The following UTRN variants were observed in gnomAD, a reference collection of about 807,000 sequenced individuals.
The protein encoded by UTRN is utrophin.
A neutral mutation model predicts 463.9 loss-of-function variants in UTRN; 283 were observed. The ratio of observed to expected loss-of-function variants is 0.61; its 90% CI spans 0.55 to 0.67. The LOEUF (loss-of-function observed/expected upper bound fraction) is 0.67. Ranked by LOEUF, UTRN falls within the 30% of genes least tolerant of loss-of-function variation. The pLI is 0.00. For missense variants in UTRN, 3,922 were observed against 4,084.3 expected, an observed-to-expected ratio of 0.96 and a Z score of 1.08; for synonymous variants, 1,442 against 1,431.5, an observed-to-expected ratio of 1.01 and a Z score of -0.17.
At chr6:144,714,027 G>A (rs1786087295) in intron 53 of UTRN, among the ~76,000 whole-genome samples, 1 of 152,034 alleles carries the variant, frequency 6.6e-6, no homozygotes, top group African/African-American at 2.4e-5. Flanking sequence ...TCTGATTCAG[G>A]CATTATTTTT....
intron 33 of UTRN, among the ~76,000 whole-genome samples, chr6:144,496,531 T>C (rs552675985): frequency 6.6e-6 from 1 of 152,328 alleles, no homozygotes; most frequent in Non-Finnish European, 1.5e-5. Context: ...GCACTAATTC[T>C]CCAATTGTGA....
intron 51 of UTRN, among the ~76,000 whole-genome samples, chr6:144,578,670 A>G (rs1801677390): frequency 6.6e-6 from 1 of 152,102 alleles, no homozygotes; most frequent in African/African-American, 2.4e-5. Context: ...TGCTTGTCCC[A>G]GTTGGTCACA....
intron 1 of UTRN, among the ~76,000 whole-genome samples, chr6:144,290,131 C>T (rs1804076567): frequency 6.6e-6 from 1 of 152,160 alleles, no homozygotes; most frequent in Admixed American, 6.5e-5. Flanking sequence ...CTAAATATTT[C>T]ACCACATGTC....
chr6:144,413,785 T>C (rs1358569535), intron 3 of UTRN, among the ~76,000 whole-genome samples: 1 of 152,144 alleles, frequency 6.6e-6, no homozygotes, highest in African/African-American at 2.4e-5. Context: ...ATGTATTTAT[T>C]ATAAATTTAT....
At chr6:144,672,023 G>GGATA (rs1265538147) in intron 51 of UTRN, among the ~76,000 whole-genome samples, 2 of 152,010 alleles carry the variant, frequency 1.3e-5, no homozygotes, top group Admixed American at 6.6e-5. Flanking sequence ...TGATCATGAT[G>GGATA]GATAATCTTT....
chr6:144,527,062 A>C (rs2128599259), intron 41 of UTRN, among the ~76,000 whole-genome samples: 1 of 152,122 alleles, frequency 6.6e-6, no homozygotes, highest in East Asian at 1.9e-4. Context: ...AGCCTCCGAA[A>C]GTGCTGGGAT....
At chr6:144,717,060 T>A (rs188493259) in intron 53 of UTRN, among the ~76,000 whole-genome samples, 69 of 152,356 alleles carry the variant, frequency 4.5e-4, no homozygotes, top group Middle Eastern at 3.4e-3. Context: ...TGACTTTTGA[T>A]ATATTGCCAG....
intron 25 of UTRN, among the ~76,000 whole-genome samples, chr6:144,479,213 G>A (rs1043535082): frequency 6.8e-6 from 1 of 147,950 alleles, no homozygotes; most frequent in Non-Finnish European, 1.5e-5. Flanking sequence ...CTGCCACCCA[G>A]GTTCAGGCAA....
intron 56 of UTRN, among the ~76,000 whole-genome samples, chr6:144,754,422 A>G (rs1300925572): frequency 6.6e-6 from 1 of 151,760 alleles, no homozygotes; most frequent in Non-Finnish European, 1.5e-5. Context: ...CTGTAAGATG[A>G]TGATAAAAAT....
At chr6:144,309,570 A>G (rs6912024) in intron 2 of UTRN, among the ~76,000 whole-genome samples, 9,269 of 152,210 alleles carry the variant, frequency 0.061, 919 homozygotes, top group African/African-American at 0.21. Context: ...CTAATACTGA[A>G]TTTATACAGA....
chr6:144,367,295 C>T (rs572150552), intron 2 of UTRN, among the ~76,000 whole-genome samples: 2 of 148,674 alleles, frequency 1.3e-5, no homozygotes, highest in African/African-American at 5.0e-5. Context: ...CCTCTACCTG[C>T]GTTTTTAATA....
chr6:144,408,068 A>G (rs1783570120), intron 3 of UTRN, among the ~76,000 whole-genome samples: 1 of 152,212 alleles, frequency 6.6e-6, no homozygotes, highest in Non-Finnish European at 1.5e-5. Flanking sequence ...CCTTCCTTAT[A>G]TCGTGAAGAA....
chr6:144,633,885 C>T (rs996824561), intron 51 of UTRN, among the ~76,000 whole-genome samples: 1 of 152,222 alleles, frequency 6.6e-6, no homozygotes, highest in African/African-American at 2.4e-5. Context: ...TTCCTCACTA[C>T]TTGACTGGTA....
chr6:144,438,052 G>A (rs1038589246), intron 11 of UTRN, among the ~76,000 whole-genome samples: 2 of 152,216 alleles, frequency 1.3e-5, no homozygotes, highest in Non-Finnish European at 2.9e-5. Flanking sequence ...GATCACTTGA[G>A]GCCAGGAGTT....
chr6:144,827,514 C>T (rs1362656823), intron 67 of UTRN, 97 bp from the exon 68 acceptor site: 46 of 1,591,868 alleles, frequency 2.9e-5, no homozygotes, highest in Non-Finnish European at 3.7e-5. Flanking sequence ...GGTCTGTTTG[C>T]ATGGCAGATT....
At position 144,777,264 on chromosome 6, in the gene UTRN, T is replaced by C. The variant is rs141621545; in HGVS notation, c.8632+2900T>C. Among the ~76,000 whole-genome samples the C allele has an allele frequency of 3.0e-4, 45 of 152,280 alleles. 1 individual carries two copies. In the East Asian group the frequency reaches 8.7e-3, roughly 29 times the overall value. ...AACTCATTCAGTTTTGGCATATTTATAAATATAATACAGCAACAAAAATCA... is the reference window on the plus strand; with the variant it reads ...AACTCATTCAGTTTTGGCATATTTACAAATATAATACAGCAACAAAAATCA... On this transcript the variant is annotated intron_variant, in intron 60 of 74. Coordinates refer to ENST00000367545, the MANE Select transcript of UTRN (RefSeq NM_007124.3).
At chr6:144,473,659 T>G in intron 23 of UTRN, 61 bp from the exon 24 acceptor site, 1,570 of 1,286,596 alleles carry the variant, frequency 1.2e-3, no homozygotes, top group Non-Finnish European at 1.6e-3. Context: ...CGGTAGATCT[T>G]GAGATGTAGT....
chr6:144,312,423 CAAAA>C (rs59056805), intron 2 of UTRN, among the ~76,000 whole-genome samples: 1 of 86,030 alleles, frequency 1.2e-5, no homozygotes. Flanking sequence ...GACTCCATCT[CAAAA>C]AAAAAAAAAA....
At chr6:144,636,255 G>A (rs560810973) in intron 51 of UTRN, among the ~76,000 whole-genome samples, 64 of 152,074 alleles carry the variant, frequency 4.2e-4, no homozygotes, top group Non-Finnish European at 7.4e-4. Context: ...CATAGATGAA[G>A]CTGGAAACCA....
Sources: gnomAD v4.1 joint callset for allele counts (sites outside exome capture counted in the v4.1 genomes callset) on GRCh38, gnomAD v4.1.1 for gene constraint, MANE v1.5 for transcripts, NCBI Gene and HGNC (gene_info 2026-07-23, HGNC 2026-07-21) for gene names.